POLB: variants seen among roughly 807,000 people sequenced by gnomAD.
POLB encodes 5'-dRP lyase.
A neutral mutation model predicts 52.7 loss-of-function variants in POLB; 37 were observed. The observed-to-expected ratio is 0.70, with a 90% confidence interval of 0.54 to 0.92. The LOEUF is 0.92. POLB is among the 40% of genes least tolerant of loss of function. POLB has a pLI of 0.00. For synonymous variants in POLB, 138 were observed against 131.3 expected, an observed-to-expected ratio of 1.05 and a Z score of -0.35; for missense variants, 313 against 400.8, an observed-to-expected ratio of 0.78 and a Z score of 1.87.
intron 4 of POLB, 66 bp from the exon 5 acceptor site, chr8:42,349,941 C>A: frequency 9.2e-7 from 1 of 1,084,092 alleles, no homozygotes; most frequent in Non-Finnish European, 1.4e-6. Context: ...TGGTATGTTT[C>A]CAATAAGATC....
At chr8:42,361,102 C>T (rs1585906855) in intron 9 of POLB, 193 bp from the exon 10 acceptor site, 2 of 691,344 alleles carry the variant, frequency 2.9e-6, no homozygotes, top group Non-Finnish European at 5.3e-6. Flanking sequence ...ACAGATTCTG[C>T]TGTCTACATC....
Position 42,357,632 on chromosome 8 carries a change from TTAAG to T in POLB, c.550+243_550+246del, listed in dbSNP as rs752822138. On this transcript the variant is annotated intron_variant, in intron 9 of 13. Coordinates refer to ENST00000265421, the MANE Select transcript of POLB (RefSeq NM_002690.3). ...TTTTAACGACGTTTATTAAATGACTTTAAGTATATTGAAATGCTAGTAATGGTTG... is the reference window on the plus strand; with the variant it reads ...TTTTAACGACGTTTATTAAATGACTTTATATTGAAATGCTAGTAATGGTTG... 4.1e-4 allele frequency: 170 copies of T among 413,418 alleles called. No homozygotes were observed. The Middle Eastern group carries it at 9.3e-3, about 23-fold the overall frequency. The allele number at this position is 413,418 out of a possible 1,614,324, so 25.6% of individuals were successfully genotyped here. A position where few individuals can be genotyped will look rare whatever the true frequency, so the allele number is the denominator to read the frequency against.
At chr8:42,341,718 A>G (rs1400302495) in intron 2 of POLB, 3 of 321,204 alleles carry the variant, frequency 9.3e-6, no homozygotes, top group Non-Finnish European at 1.2e-5. Context: ...TTTTCTGTCC[A>G]TAAGTTTATT....
At chr8:42,356,027 G>A (rs938502296) in intron 7 of POLB, among the ~76,000 whole-genome samples, 1 of 152,046 alleles carries the variant, frequency 6.6e-6, no homozygotes, top group Non-Finnish European at 1.5e-5. Flanking sequence ...TAACCATATA[G>A]GAATAACTAC....
At chr8:42,369,713 G>A (rs1266069310) in intron 12 of POLB, 136 bp from the exon 13 acceptor site, 1 of 586,152 alleles carries the variant, frequency 1.7e-6, no homozygotes, top group Admixed American at 3.2e-5. Flanking sequence ...TCTACCTCAT[G>A]ATAGTCTTCT....
At chr8:42,345,655 ATCCGAAATCCAAAATGCTCCAATG>A (rs952804377) in intron 3 of POLB, among the ~76,000 whole-genome samples, 2 of 152,188 alleles carry the variant, frequency 1.3e-5, no homozygotes, top group African/African-American at 4.8e-5. Context: ...TAACCCAAAA[ATCCGAAATCCAAAATGCTCCAATG>A]AGCATTTCCT....
chr8:42,348,424 C>T (rs1822765075), intron 3 of POLB, among the ~76,000 whole-genome samples: 1 of 152,154 alleles, frequency 6.6e-6, no homozygotes, highest in African/African-American at 2.4e-5. Context: ...CTTAAATTGT[C>T]ATATGTGGCT....
At chr8:42,357,444 T>C (rs971781588) in intron 9 of POLB, 52 bp downstream of exon 9, 1 of 928,204 alleles carries the variant, frequency 1.1e-6, no homozygotes, top group Non-Finnish European at 1.8e-6. Flanking sequence ...TAAAATTGCC[T>C]AATATATGGG....
At chr8:42,341,764 G>T in intron 2 of POLB, 2 of 416,014 alleles carry the variant, frequency 4.8e-6, no homozygotes, top group Non-Finnish European at 9.2e-6. Context: ...AAAATTGTTT[G>T]GTTTAGCTCT....
intron 7 of POLB, among the ~76,000 whole-genome samples, chr8:42,356,244 A>G (rs1306938002): frequency 6.6e-6 from 1 of 152,198 alleles, no homozygotes; most frequent in Non-Finnish European, 1.5e-5. Flanking sequence ...TTATACTCCC[A>G]TTCCAAAATC....
intron 3 of POLB, among the ~76,000 whole-genome samples, chr8:42,348,331 C>A (rs1189453632): frequency 2.0e-5 from 3 of 152,186 alleles, no homozygotes; most frequent in African/African-American, 7.2e-5. Context: ...ATACAGCAAC[C>A]ACAAGCCACA....
chr8:42,359,588 C>G (rs1452976315), intron 9 of POLB, among the ~76,000 whole-genome samples: 1 of 139,894 alleles, frequency 7.1e-6, no homozygotes, highest in East Asian at 2.3e-4. Context: ...TGGTCTCAAA[C>G]TCTTGGCTCA....
At chr8:42,340,411 G>T (rs1377577724) in intron 2 of POLB, among the ~76,000 whole-genome samples, 1 of 152,176 alleles carries the variant, frequency 6.6e-6, no homozygotes, top group Admixed American at 6.5e-5. Flanking sequence ...TGTGCGTAAG[G>T]TGTGTGAGAA....
chr8:42,360,644 A>C (rs1420240792), intron 9 of POLB, among the ~76,000 whole-genome samples: 1 of 152,198 alleles, frequency 6.6e-6, no homozygotes, highest in Non-Finnish European at 1.5e-5. Context: ...ATATAGGAAA[A>C]GAAAGGTTTA....
intron 5 of POLB, 142 bp downstream of exon 5, chr8:42,350,207 T>G: frequency 1.5e-6 from 1 of 678,446 alleles, no homozygotes; most frequent in African/African-American, 1.8e-5. Context: ...CCATAGCTTA[T>G]GATCTGAGGC....
chr8:42,353,586 G>GTAA (rs1823119567), intron 6 of POLB, among the ~76,000 whole-genome samples: 1 of 152,110 alleles, frequency 6.6e-6, no homozygotes, highest in African/African-American at 2.4e-5. Context: ...CTTAAATATA[G>GTAA]TAATCCTTTA....
intron 5 of POLB, among the ~76,000 whole-genome samples, chr8:42,351,335 T>G (rs914395684): frequency 6.6e-6 from 1 of 152,266 alleles, no homozygotes; most frequent in Admixed American, 6.5e-5. Flanking sequence ...AGTATCAGTT[T>G]CTATATCACA....
chr8:42,352,621 C>CAT, intron 6 of POLB, 53 bp downstream of exon 6: 13 of 1,025,066 alleles, frequency 1.3e-5, no homozygotes, highest in Non-Finnish European at 1.8e-5. Flanking sequence ...CCTGAAGGAC[C>CAT]ATTAGTGCTC....
chr8:42,341,673 C>T (rs1585863869), intron 2 of POLB: 6 of 240,406 alleles, frequency 2.5e-5, no homozygotes, highest in Non-Finnish European at 4.1e-5. Flanking sequence ...TACAGGTCAC[C>T]GCTTTATGCT....
Sources: gnomAD v4.1 joint callset for allele counts (sites outside exome capture counted in the v4.1 genomes callset) on GRCh38, gnomAD v4.1.1 for gene constraint, MANE v1.5 for transcripts, NCBI Gene and HGNC (gene_info 2026-07-23, HGNC 2026-07-21) for gene names.